SLX4IP: variants seen among roughly 807,000 people sequenced by gnomAD.
The protein encoded by SLX4IP is protein SLX4IP.
Under a neutral mutation model 32.9 loss-of-function variants are expected in SLX4IP, and 34 were observed. The observed-to-expected ratio is 1.03, with a 90% CI of 0.79 to 1.38. The LOEUF (loss-of-function observed/expected upper bound fraction) is 1.38. Ranked by LOEUF, SLX4IP falls within the 40% of genes most tolerant of loss-of-function variation. The probability of loss-of-function intolerance (pLI) is 0.00; values close to 1 mark genes in which losing one functional copy is unlikely to be tolerated. For synonymous variants in SLX4IP, 172 were observed against 171.7 expected, an observed-to-expected ratio of 1.00 and a Z score of -0.01; for missense variants, 444 against 479.0, an observed-to-expected ratio of 0.93 and a Z score of 0.68.
At chr20:10,591,690 T>G (rs750127090) in intron 4 of SLX4IP, among the ~76,000 whole-genome samples, 20 of 152,382 alleles carry the variant, frequency 1.3e-4, no homozygotes, top group Middle Eastern at 3.4e-3. Context: ...GGCAGAGTTA[T>G]GATTGTGGGA....
chr20:10,443,409 G>A (rs940653916), intron 1 of SLX4IP, among the ~76,000 whole-genome samples: 11 of 152,154 alleles, frequency 7.2e-5, no homozygotes, highest in African/African-American at 1.2e-4. Flanking sequence ...TGGGCTAAGC[G>A]TGAGAGTAGA....
intron 2 of SLX4IP, among the ~76,000 whole-genome samples, chr20:10,526,360 G>A (rs1303870683): frequency 1.3e-5 from 2 of 152,196 alleles, no homozygotes; most frequent in African/African-American, 4.8e-5. Context: ...TTAGGCAGGT[G>A]TATGAGAATC....
At chr20:10,523,639 G>T (rs1285108630) in intron 2 of SLX4IP, among the ~76,000 whole-genome samples, 1 of 152,150 alleles carries the variant, frequency 6.6e-6, no homozygotes, top group Non-Finnish European at 1.5e-5. Flanking sequence ...TCCTCCACGG[G>T]GCCTGGCACG....
chr20:10,484,604 G>A (rs552773218), intron 2 of SLX4IP, among the ~76,000 whole-genome samples: 17 of 152,128 alleles, frequency 1.1e-4, no homozygotes, highest in East Asian at 5.8e-4. Flanking sequence ...TGATGAATTC[G>A]TTTCACATCT....
At chr20:10,465,704 C>T (rs943908745) in intron 2 of SLX4IP, among the ~76,000 whole-genome samples, 1 of 152,208 alleles carries the variant, frequency 6.6e-6, no homozygotes, top group African/African-American at 2.4e-5. Flanking sequence ...TGAGGTTTTG[C>T]CATGTTGGCC....
intron 2 of SLX4IP, among the ~76,000 whole-genome samples, chr20:10,485,767 ATATAG>A (rs1337978903): frequency 1.3e-5 from 2 of 152,232 alleles, no homozygotes; most frequent in Non-Finnish European, 2.9e-5. Context: ...TATGCTTATT[ATATAG>A]TAAACTAGAG....
At chr20:10,438,819 G>C (rs1247333124) in intron 1 of SLX4IP, among the ~76,000 whole-genome samples, 1 of 151,590 alleles carries the variant, frequency 6.6e-6, no homozygotes, top group African/African-American at 2.4e-5. Context: ...TGTGCTTTTT[G>C]GGGGGTACGG....
At chr20:10,464,460 C>T (rs2065364044) in intron 2 of SLX4IP, among the ~76,000 whole-genome samples, 1 of 152,190 alleles carries the variant, frequency 6.6e-6, no homozygotes, top group Admixed American at 6.5e-5. Context: ...GAGGGAGGAT[C>T]ACTTGAGGCC....
chr20:10,611,798 G>A (rs2066969523), intron 6 of SLX4IP, among the ~76,000 whole-genome samples: 1 of 152,158 alleles, frequency 6.6e-6, no homozygotes, highest in African/African-American at 2.4e-5. Flanking sequence ...GAAGAAACTG[G>A]TGCTCAGAGA....
intron 2 of SLX4IP, among the ~76,000 whole-genome samples, chr20:10,530,358 A>G (rs2065978309): frequency 6.6e-6 from 1 of 152,216 alleles, no homozygotes; most frequent in African/African-American, 2.4e-5. Flanking sequence ...ATCAGTGAAT[A>G]TAGTTCCATT....
chr20:10,469,665 T>A (rs1568695535), intron 2 of SLX4IP, among the ~76,000 whole-genome samples: 1 of 152,198 alleles, frequency 6.6e-6, no homozygotes, highest in Non-Finnish European at 1.5e-5. Context: ...ATGAACTCAG[T>A]AAGCACCTTG....
At chr20:10,620,335 A>G (rs1204170967) in intron 6 of SLX4IP, among the ~76,000 whole-genome samples, 1 of 152,222 alleles carries the variant, frequency 6.6e-6, no homozygotes, top group Non-Finnish European at 1.5e-5. Context: ...TTGGCAAGGT[A>G]GGTAGGCTTT....
chr20:10,450,039 A>G (rs1245207359), intron 1 of SLX4IP, among the ~76,000 whole-genome samples: 1 of 152,212 alleles, frequency 6.6e-6, no homozygotes, highest in Non-Finnish European at 1.5e-5. Context: ...CCATCACAGT[A>G]ACCTCACTGT....
intron 2 of SLX4IP, among the ~76,000 whole-genome samples, chr20:10,486,074 C>T (rs1417537906): frequency 6.6e-6 from 1 of 151,948 alleles, no homozygotes; most frequent in Non-Finnish European, 1.5e-5. Context: ...GCATTTCAAA[C>T]TCATGTTGTT....
At chr20:10,508,653 G>C (rs2065779559) in intron 2 of SLX4IP, among the ~76,000 whole-genome samples, 1 of 152,132 alleles carries the variant, frequency 6.6e-6, no homozygotes, top group Non-Finnish European at 1.5e-5. Flanking sequence ...AGAGTATGTT[G>C]CTTTAGAAAC....
Position 10,625,646 on chromosome 20 carries a change from G to A in SLX4IP, c.*2267G>A, listed in dbSNP as rs1238898443. ...AGTCTTGGCTTTAGAGTTTGTTATAGTTGGGGATATAACAATTACTGTGAT... is the reference window on the plus strand; with the variant it reads ...AGTCTTGGCTTTAGAGTTTGTTATAATTGGGGATATAACAATTACTGTGAT... On this transcript the variant is annotated 3_prime_UTR_variant, in exon 8 of 8. Coordinates refer to ENST00000334534, the MANE Select transcript of SLX4IP (RefSeq NM_001009608.3). The A allele has an allele frequency of 1.3e-5, 2 of 152,168 alleles. No individual in the cohort carries two copies. The highest frequency in any genetic ancestry group is 2.9e-5 in the Non-Finnish European group (2 of 68,040). The allele number at this position is 152,168 out of a possible 1,614,324, so 9.4% of individuals were successfully genotyped here. A position where few individuals can be genotyped will look rare whatever the true frequency, so the allele number is the denominator to read the frequency against.
At chr20:10,583,529 G>C (rs1284779553) in intron 4 of SLX4IP, among the ~76,000 whole-genome samples, 1 of 152,124 alleles carries the variant, frequency 6.6e-6, no homozygotes, top group African/African-American at 2.4e-5. Flanking sequence ...ATTTGGATTT[G>C]GCTGGCTGCA....
intron 6 of SLX4IP, among the ~76,000 whole-genome samples, chr20:10,614,784 C>T (rs955439150): frequency 1.6e-4 from 25 of 152,122 alleles, no homozygotes; most frequent in Admixed American, 1.3e-3. Context: ...GTGGGTGCCC[C>T]CATTTCTCTG....
intron 4 of SLX4IP, among the ~76,000 whole-genome samples, chr20:10,570,113 A>G (rs893574030): frequency 2.6e-5 from 4 of 152,196 alleles, no homozygotes; most frequent in African/African-American, 9.7e-5. Context: ...AAGGGTTCTG[A>G]CCAAGGTCAC....
Sources: gnomAD v4.1 joint callset for allele counts (sites outside exome capture counted in the v4.1 genomes callset) on GRCh38, gnomAD v4.1.1 for gene constraint, MANE v1.5 for transcripts, NCBI Gene and HGNC (gene_info 2026-07-23, HGNC 2026-07-21) for gene names.